Variants in SLC1A3 observed in about 807,000 individuals in gnomAD.
SLC1A3 encodes excitatory amino acid transporter 1.
Under a neutral mutation model 48.1 loss-of-function variants are expected in SLC1A3, and 21 were observed. That is an observed-to-expected ratio of 0.44 (90% CI 0.31 to 0.63). SLC1A3 has a LOEUF of 0.63. Ranked by LOEUF, SLC1A3 falls within the 20% of genes least tolerant of loss-of-function variation. The pLI, the probability that SLC1A3 is intolerant of heterozygous loss-of-function variation, is 0.08. For synonymous variants in SLC1A3, 239 were observed against 251.4 expected (o/e 0.95, Z 0.47); for missense variants, 546 against 689.0 (o/e 0.79, Z 2.32).
chr5:36,685,802 T>C (rs1218202425), intron 9 of SLC1A3, among the ~76,000 whole-genome samples: 1 of 152,236 alleles, frequency 6.6e-6, no homozygotes, highest in Non-Finnish European at 1.5e-5. Flanking sequence ...ATTATGAGAA[T>C]GGCTTAAAGA....
At position 36,671,009 on chromosome 5, in the gene SLC1A3, C is replaced by A; in HGVS notation, c.320-20C>A. On this transcript the variant is annotated intron_variant, in intron 3 of 9. Coordinates refer to ENST00000265113, the MANE Select transcript of SLC1A3 (RefSeq NM_004172.5). Reference sequence around the variant, plus strand: ...TTCCCTGGACTGACTTCCTGAAAATCTTCTGTTTGCCTCCACCAGGAATGG... The same window carrying A: ...TTCCCTGGACTGACTTCCTGAAAATATTCTGTTTGCCTCCACCAGGAATGG... 6.2e-7 allele frequency: 1 copy of A among 1,610,720 alleles called. No homozygotes were observed. The highest frequency in any genetic ancestry group is 8.5e-7 in the Non-Finnish European group (1 of 1,176,992).
chr5:36,606,950 G>C (rs1176854012), intron 1 of SLC1A3: 1 of 152,248 alleles, frequency 6.6e-6, no homozygotes, highest in Non-Finnish European at 1.5e-5. Flanking sequence ...GGTGGATTGG[G>C]GGCAGATTGT....
intron 2 of SLC1A3, among the ~76,000 whole-genome samples, chr5:36,611,292 A>AC (rs1225213551): frequency 1.3e-5 from 2 of 151,244 alleles, no homozygotes; most frequent in East Asian, 3.9e-4. Context: ...AAAAAAAAAA[A>AC]AAAAAAAATC....
intron 3 of SLC1A3, 42 bp from the exon 4 acceptor site, chr5:36,670,975 ACTGGAGAATTCC>A: frequency 6.8e-7 from 1 of 1,476,130 alleles, no homozygotes; most frequent in Non-Finnish European, 9.5e-7. Flanking sequence ...ATTGTTTTCC[ACTGGAGAATTCC>A]CTGGACTGAC....
At chr5:36,651,211 T>A (rs1741055884) in intron 3 of SLC1A3, among the ~76,000 whole-genome samples, 1 of 149,954 alleles carries the variant, frequency 6.7e-6, no homozygotes, top group Non-Finnish European at 1.5e-5. Context: ...TGGCCCCTCC[T>A]TGGGTTCCTT....
chr5:36,603,646 A>T (rs35668907), upstream of SLC1A3, among the ~76,000 whole-genome samples: 39,519 of 151,908 alleles, frequency 0.26, 5,966 homozygotes, highest in Non-Finnish European at 0.35. Flanking sequence ...AGAAAAAAAA[A>T]TCAAAACAAA....
intron 2 of SLC1A3, among the ~76,000 whole-genome samples, chr5:36,614,172 C>T (rs936473778): frequency 2.0e-5 from 3 of 152,220 alleles, no homozygotes; most frequent in African/African-American, 7.2e-5. Context: ...CTGCTATGCA[C>T]AAGCCATATC....
At chr5:36,631,390 G>A (rs192287790) in intron 3 of SLC1A3, among the ~76,000 whole-genome samples, 1 of 151,988 alleles carries the variant, frequency 6.6e-6, no homozygotes, top group African/African-American at 2.4e-5. Context: ...CAACTTTATT[G>A]AAGAAATAAG....
At chr5:36,671,293 G>C in intron 4 of SLC1A3, 60 bp downstream of exon 4, 1 of 1,225,354 alleles carries the variant, frequency 8.2e-7, no homozygotes, top group Non-Finnish European at 1.2e-6. Flanking sequence ...CCTCTTACTG[G>C]TTACTATTCA....
chr5:36,598,437 C>T (rs1000444438), intron 1 of SLC1A3, among the ~76,000 whole-genome samples: 4 of 152,156 alleles, frequency 2.6e-5, no homozygotes, highest in African/African-American at 9.7e-5. Flanking sequence ...ATTCTTACCA[C>T]ATGTTAATCT....
In SLC1A3 at chr5:36,630,816, A is replaced by G. The variant is rs180956401; in HGVS notation, c.319+1229A>G. 5.9e-5 allele frequency among the ~76,000 whole-genome samples: 9 copies of G among 152,306 alleles called. No individual in the cohort carries two copies. The East Asian group carries it at 1.7e-3, about 29-fold the overall frequency. On this transcript the variant is annotated intron_variant, in intron 3 of 9. Transcript: ENST00000265113. Reference sequence around the variant, plus strand: ...TCCAGGGCCTTAAACAAGTGATTGCATGTACATATGCTTTCACTGGAGAAT... The same window carrying G: ...TCCAGGGCCTTAAACAAGTGATTGCGTGTACATATGCTTTCACTGGAGAAT...
chr5:36,611,311 A>G (rs1392116485), intron 2 of SLC1A3, among the ~76,000 whole-genome samples: 1 of 149,838 alleles, frequency 6.7e-6, no homozygotes, highest in Non-Finnish European at 1.5e-5. Flanking sequence ...TCACTGGGAA[A>G]ACCTATGTAC....
At chr5:36,634,045 G>C (rs992191289) in intron 3 of SLC1A3, among the ~76,000 whole-genome samples, 23 of 152,172 alleles carry the variant, frequency 1.5e-4, no homozygotes, top group Non-Finnish European at 4.4e-5. Flanking sequence ...GGAGACTAAA[G>C]CTGGCAGATC....
chr5:36,619,424 G>A (rs1739577260), intron 2 of SLC1A3, among the ~76,000 whole-genome samples: 1 of 152,180 alleles, frequency 6.6e-6, no homozygotes, highest in South Asian at 2.1e-4. Context: ...AGGATCCCTT[G>A]AGACCAGGAG....
chr5:36,669,784 A>C (rs1233762475), intron 3 of SLC1A3: 1 of 152,162 alleles, frequency 6.6e-6, no homozygotes, highest in East Asian at 1.9e-4. Context: ...ACACCATTTT[A>C]ATCAGTACTT....
intron 3 of SLC1A3, among the ~76,000 whole-genome samples, chr5:36,645,927 T>C (rs1034444477): frequency 1.3e-5 from 2 of 152,238 alleles, no homozygotes; most frequent in Admixed American, 1.3e-4. Context: ...GTACAGATTA[T>C]TGCTCATTTT....
intron 3 of SLC1A3, among the ~76,000 whole-genome samples, chr5:36,638,020 C>A (rs1046494117): frequency 1.3e-5 from 2 of 152,084 alleles, no homozygotes; most frequent in African/African-American, 4.8e-5. Context: ...TGTTTTCTGG[C>A]GCCACAGTCC....
At chr5:36,654,880 G>T (rs545999795) in intron 3 of SLC1A3, among the ~76,000 whole-genome samples, 1 of 152,316 alleles carries the variant, frequency 6.6e-6, no homozygotes, top group Non-Finnish European at 1.5e-5. Context: ...CATCTGAAAA[G>T]GTAAACAGGG....
chr5:36,597,889 C>G (rs1440729992), intron 1 of SLC1A3, among the ~76,000 whole-genome samples: 2 of 152,170 alleles, frequency 1.3e-5, no homozygotes, highest in South Asian at 4.1e-4. Context: ...CATGTCTGTC[C>G]TGTCCGCTGA....
Sources: gnomAD v4.1 joint callset for allele counts (sites outside exome capture counted in the v4.1 genomes callset) on GRCh38, gnomAD v4.1.1 for gene constraint, MANE v1.5 for transcripts, NCBI Gene and HGNC (gene_info 2026-07-23, HGNC 2026-07-21) for gene names.